Variants in WWOX observed in about 807,000 individuals in gnomAD.
The protein encoded by WWOX is WW domain-containing oxidoreductase.
WWOX carries 69 observed loss-of-function variants against 46.2 expected under a neutral mutation model. That is an observed-to-expected ratio of 1.49 (90% CI 1.23 to 1.82). The LOEUF (loss-of-function observed/expected upper bound fraction) is 1.82, where lower values mean the gene tolerates loss of function less well. Among genes scored for constraint, WWOX ranks in the 40% most tolerant of loss-of-function variants. The pLI, the probability that WWOX is intolerant of heterozygous loss-of-function variation, is 0.00. For missense variants in WWOX, 919 were observed against 542.6 expected, an observed-to-expected ratio of 1.69 and a Z score of -6.89; for synonymous variants, 359 against 202.6, an observed-to-expected ratio of 1.77 and a Z score of -6.56.
At chr16:78,637,579 A>C (rs956924965) in intron 8 of WWOX, among the ~76,000 whole-genome samples, 5 of 152,192 alleles carry the variant, frequency 3.3e-5, no homozygotes, top group Admixed American at 6.5e-5. Flanking sequence ...ACCTTCTACT[A>C]CATCCCCTTT....
At chr16:78,132,520 C>T (rs942535294) in intron 4 of WWOX, among the ~76,000 whole-genome samples, 14 of 152,258 alleles carry the variant, frequency 9.2e-5, no homozygotes, top group Middle Eastern at 3.4e-3. Flanking sequence ...TTTGTTAATA[C>T]GTATGCGGCC....
At position 78,916,730 on chromosome 16, in the gene WWOX, TCTAAA is replaced by T. The variant is rs371970772; in HGVS notation, c.1057-294873_1057-294869del. On this transcript the variant is annotated intron_variant, in intron 8 of 8. Coordinates refer to ENST00000566780, the MANE Select transcript of WWOX (RefSeq NM_016373.4). ...AAAAGTGATTCTTTCTAGGATAAAC[TCTAAA>T]CTAAGTGTCTGATAAATTCTGGGAA... Among the ~76,000 whole-genome samples the T allele has an allele frequency of 1.4e-4, 22 of 152,338 alleles. No homozygotes were observed. The South Asian group carries it at 4.6e-3, about 32-fold the overall frequency.
At chr16:78,131,656 A>G (rs55809932) in intron 4 of WWOX, among the ~76,000 whole-genome samples, 1,550 of 151,464 alleles carry the variant, frequency 0.01, 27 homozygotes, top group African/African-American at 0.036. Flanking sequence ...ATCTTGGCTC[A>G]CTGCAACCTC....
At chr16:78,745,601 G>C (rs939688455) in intron 8 of WWOX, among the ~76,000 whole-genome samples, 2 of 149,926 alleles carry the variant, frequency 1.3e-5, no homozygotes, top group Non-Finnish European at 2.9e-5. Flanking sequence ...TTCTTGGCTG[G>C]AGGATTTTTT....
At chr16:78,812,170 T>C (rs1265490900) in intron 8 of WWOX, among the ~76,000 whole-genome samples, 1 of 151,680 alleles carries the variant, frequency 6.6e-6, no homozygotes, top group Non-Finnish European at 1.5e-5. Context: ...AGGAACTAGG[T>C]GTCCTAACTT....
chr16:79,087,379 A>T (rs1210935949), intron 8 of WWOX, among the ~76,000 whole-genome samples: 14 of 152,228 alleles, frequency 9.2e-5, no homozygotes, highest in Admixed American at 9.2e-4. Flanking sequence ...TACATATCAA[A>T]GAATGCTTAT....
At chr16:78,621,633 C>G (rs377664697) in intron 8 of WWOX, among the ~76,000 whole-genome samples, 1 of 40,470 alleles carries the variant, frequency 2.5e-5, no homozygotes, top group Admixed American at 3.2e-4. Flanking sequence ...GAGACAGAGT[C>G]TTGCTCTGTT....
intron 5 of WWOX, among the ~76,000 whole-genome samples, chr16:78,179,147 G>T (rs946916253): frequency 6.6e-6 from 1 of 152,220 alleles, no homozygotes; most frequent in East Asian, 1.9e-4. Context: ...GTGCTTTAAA[G>T]AATCTGTTAA....
At chr16:79,070,321 A>C (rs72795658) in intron 8 of WWOX, among the ~76,000 whole-genome samples, 6,112 of 151,018 alleles carry the variant, frequency 0.04, 162 homozygotes, top group South Asian at 0.1. Flanking sequence ...CCAGAAACCA[A>C]CTGGGAAGGG....
intron 8 of WWOX, among the ~76,000 whole-genome samples, chr16:78,950,976 A>G (rs76368714): frequency 8.5e-5 from 13 of 152,174 alleles, no homozygotes; most frequent in African/African-American, 3.1e-4. Context: ...GCCCCGCTCA[A>G]CCGCCTCTCT....
At chr16:78,584,921 C>G (rs2045157222) in intron 8 of WWOX, among the ~76,000 whole-genome samples, 1 of 152,192 alleles carries the variant, frequency 6.6e-6, no homozygotes, top group African/African-American at 2.4e-5. Context: ...GAATTTTTCT[C>G]CCGCCTCGGT....
At chr16:78,541,519 G>C (rs1330565847) in intron 8 of WWOX, among the ~76,000 whole-genome samples, 1 of 117,688 alleles carries the variant, frequency 8.5e-6, no homozygotes, top group East Asian at 2.7e-4. Context: ...CACGTACACA[G>C]ACAAATGTTC....
chr16:78,416,996 A>C (rs1377099930), intron 6 of WWOX, among the ~76,000 whole-genome samples: 1 of 150,594 alleles, frequency 6.6e-6, no homozygotes, highest in Non-Finnish European at 1.5e-5. Flanking sequence ...TATGTAAGAC[A>C]GAAGGTATTG....
At chr16:78,420,638 C>A (rs1185787068) in intron 6 of WWOX, among the ~76,000 whole-genome samples, 5 of 132,562 alleles carry the variant, frequency 3.8e-5, no homozygotes, top group East Asian at 2.2e-4. Context: ...TAGAGGGTGG[C>A]TAGTGATTGC....
At chr16:78,755,115 A>C (rs1013783629) in intron 8 of WWOX, among the ~76,000 whole-genome samples, 1 of 151,966 alleles carries the variant, frequency 6.6e-6, no homozygotes, top group African/African-American at 2.4e-5. Flanking sequence ...CTTAAAACCT[A>C]GATGACGGGT....
intron 5 of WWOX, among the ~76,000 whole-genome samples, chr16:78,240,020 A>T (rs2037585118): frequency 6.6e-6 from 1 of 152,076 alleles, no homozygotes; most frequent in South Asian, 2.1e-4. Context: ...GTGTAAGGGT[A>T]GTGGGTGGAA....
At chr16:78,578,260 A>ATATATATATATATATT (rs1555567061) in intron 8 of WWOX, among the ~76,000 whole-genome samples, 14 of 21,538 alleles carry the variant, frequency 6.5e-4, no homozygotes, top group Admixed American at 3.0e-3. Flanking sequence ...AATTTTATAT[A>ATATATATATATATATT]TATATATATA....
intron 8 of WWOX, among the ~76,000 whole-genome samples, chr16:79,086,844 C>A (rs530155282): frequency 6.6e-6 from 1 of 152,202 alleles, no homozygotes; most frequent in Non-Finnish European, 1.5e-5. Context: ...GATTGTGCCA[C>A]TGCGCTCCAG....
chr16:78,123,562 A>T (rs1200731647), intron 4 of WWOX: 1 of 145,610 alleles, frequency 6.9e-6, no homozygotes, highest in African/African-American at 2.5e-5. Context: ...GGTTGAAGCA[A>T]TTCTTCTGCC....
Sources: allele counts gnomAD v4.1 joint callset (sites outside exome capture counted in the v4.1 genomes callset), GRCh38; gene constraint gnomAD v4.1.1; transcripts MANE v1.5; gene names NCBI Gene and HGNC (gene_info 2026-07-23, HGNC 2026-07-21).